The following MTA3 variants were observed in gnomAD, a reference collection of about 807,000 sequenced individuals.
MTA3 encodes metastasis-associated protein MTA3.
MTA3 carries 34 observed loss-of-function variants against 83.5 expected under a neutral mutation model. The ratio of observed to expected loss-of-function variants is 0.41; its 90% CI spans 0.31 to 0.54. The LOEUF (loss-of-function observed/expected upper bound fraction) is 0.54. Ranked by LOEUF, MTA3 falls within the 20% of genes least tolerant of loss-of-function variation. The pLI is 0.33. For missense variants in MTA3, 761 were observed against 726.4 expected, an observed-to-expected ratio of 1.05 and a Z score of -0.55; for synonymous variants, 303 against 252.7, an observed-to-expected ratio of 1.20 and a Z score of -1.89.
intron 8 of MTA3, among the ~76,000 whole-genome samples, chr2:42,679,549 C>G (rs922130161): frequency 1.3e-5 from 2 of 152,198 alleles, no homozygotes; most frequent in Non-Finnish European, 2.9e-5. Context: ...TTACCTAAGG[C>G]ACAGTGGTGG....
chr2:42,568,918 CG>C (rs35106175), intron 1 of MTA3, 145 bp downstream of exon 1: 1 of 805,380 alleles, frequency 1.2e-6, no homozygotes, highest in Non-Finnish European at 1.6e-6. Context: ...GCAGAGGGGC[CG>C]GGACTCCCCA....
At chr2:42,515,785 C>A (rs1043466964) in intron 2 of MTA3, among the ~76,000 whole-genome samples, 88 of 152,032 alleles carry the variant, frequency 5.8e-4, no homozygotes, top group African/African-American at 2.1e-3. Context: ...CAGGCGTGAA[C>A]CACCGTGCCC....
intron 16 of MTA3, among the ~76,000 whole-genome samples, chr2:42,750,231 C>A (rs1669772015): frequency 6.6e-6 from 1 of 152,080 alleles, no homozygotes; most frequent in Admixed American, 6.5e-5. Context: ...ACTTGTGATC[C>A]ACCTGCCTTT....
At chr2:42,616,512 C>G (rs1232911036) in intron 4 of MTA3, among the ~76,000 whole-genome samples, 1 of 132,448 alleles carries the variant, frequency 7.6e-6, no homozygotes, top group South Asian at 2.5e-4. Flanking sequence ...TTTAATTTTG[C>G]TTTTATTCTT....
At chr2:42,532,911 C>T (rs866012309) in intron 2 of MTA3, 1 of 284,786 alleles carries the variant, frequency 3.5e-6, no homozygotes, top group South Asian at 4.2e-5. Context: ...TGACCATTTT[C>T]CTTCACGCGC....
intron 2 of MTA3, among the ~76,000 whole-genome samples, chr2:42,506,615 C>G (rs773713481): frequency 1.5e-5 from 2 of 129,190 alleles, no homozygotes; most frequent in African/African-American, 3.1e-5. Flanking sequence ...AGATAATTTA[C>G]TTATTATTAT....
intron 2 of MTA3, among the ~76,000 whole-genome samples, chr2:42,495,722 C>G (rs185257385): frequency 6.6e-6 from 1 of 152,228 alleles, no homozygotes; most frequent in East Asian, 1.9e-4. Flanking sequence ...AATGGAATCC[C>G]TGGAGGTTTC....
At chr2:42,559,523 T>C (rs1427973657) in intron 2 of MTA3, among the ~76,000 whole-genome samples, 2 of 151,176 alleles carry the variant, frequency 1.3e-5, no homozygotes, top group African/African-American at 2.4e-5. Flanking sequence ...AAAAAAATTT[T>C]GTTTTCCCAT....
At chr2:42,614,447 C>G (rs2104125958) in intron 4 of MTA3, among the ~76,000 whole-genome samples, 1 of 152,288 alleles carries the variant, frequency 6.6e-6, no homozygotes, top group South Asian at 2.1e-4. Context: ...TTTGTATCAT[C>G]TGACTTACAA....
chr2:42,535,793 C>A (rs1167495999), intron 2 of MTA3, among the ~76,000 whole-genome samples: 1 of 152,004 alleles, frequency 6.6e-6, no homozygotes, highest in Non-Finnish European at 1.5e-5. Context: ...TGGGGGTGGT[C>A]CTACAGCTTC....
chr2:42,501,099 C>A (rs557171622), intron 2 of MTA3, among the ~76,000 whole-genome samples: 2 of 152,106 alleles, frequency 1.3e-5, no homozygotes, highest in South Asian at 4.2e-4. Context: ...CATGAGCCAC[C>A]GCGCGTGACC....
intron 8 of MTA3, among the ~76,000 whole-genome samples, chr2:42,672,535 C>T (rs1238868743): frequency 1.4e-5 from 2 of 145,970 alleles, no homozygotes; most frequent in African/African-American, 5.1e-5. Flanking sequence ...ATCCCAGCTA[C>T]TTGGGAGGCT....
intron 14 of MTA3, among the ~76,000 whole-genome samples, chr2:42,711,900 A>T (rs937846470): frequency 2.0e-5 from 3 of 151,968 alleles, no homozygotes; most frequent in Admixed American, 6.6e-5. Context: ...CTGTGATGCA[A>T]TGTGAATGTA....
intron 16 of MTA3, among the ~76,000 whole-genome samples, chr2:42,750,645 T>C (rs543198150): frequency 4.5e-4 from 68 of 152,342 alleles, no homozygotes; most frequent in African/African-American, 1.6e-3. Flanking sequence ...TAAATGTTTG[T>C]TACCTGCATT....
At chr2:42,743,850 T>G (rs4953631) in intron 16 of MTA3, among the ~76,000 whole-genome samples, 101,361 of 151,904 alleles carry the variant, frequency 0.67, 34,126 homozygotes, top group East Asian at 0.79. Context: ...CCAAAAAAAA[T>G]AGACTGCCAG....
chr2:42,587,382 C>T (rs775517772), intron 3 of MTA3, among the ~76,000 whole-genome samples: 4 of 152,050 alleles, frequency 2.6e-5, no homozygotes, highest in Non-Finnish European at 5.9e-5. Context: ...TGTAAAAACT[C>T]CCTATATCAG....
chr2:42,712,232 G>A (rs1453506076), intron 14 of MTA3, among the ~76,000 whole-genome samples: 1 of 152,132 alleles, frequency 6.6e-6, no homozygotes, highest in Non-Finnish European at 1.5e-5. Context: ...AATGACATCT[G>A]AGGTAAGGGA....
chr2:42,554,283 C>T (rs1273471819), intron 2 of MTA3, among the ~76,000 whole-genome samples: 1 of 152,174 alleles, frequency 6.6e-6, no homozygotes, highest in East Asian at 1.9e-4. Context: ...CCTACCTCTC[C>T]TCTTCCATTG....
intron 4 of MTA3, among the ~76,000 whole-genome samples, chr2:42,637,013 G>A (rs1356510169): frequency 6.6e-6 from 1 of 152,180 alleles, no homozygotes; most frequent in East Asian, 1.9e-4. Context: ...TCAGTCTGTA[G>A]GATTATATGG....
Sources: allele counts gnomAD v4.1 joint callset (sites outside exome capture counted in the v4.1 genomes callset), GRCh38; gene constraint gnomAD v4.1.1; transcripts MANE v1.5; gene names NCBI Gene and HGNC (gene_info 2026-07-23, HGNC 2026-07-21).